Variants in OXR1 observed in about 807,000 individuals in gnomAD.
OXR1 encodes the protein oxidation resistance 1, also known as oxidation resistance protein 1.
A neutral mutation model predicts 104.6 loss-of-function variants in OXR1; 41 were observed. The observed-to-expected ratio is 0.39, with a 90% CI of 0.31 to 0.51. OXR1 has a LOEUF of 0.51. Ranked by LOEUF, OXR1 falls within the 20% of genes least tolerant of loss-of-function variation. OXR1 has a pLI of 0.77. For synonymous variants in OXR1, 348 were observed against 348.4 expected (o/e 1.00, Z 0.01); for missense variants, 955 against 1,031.9 (o/e 0.93, Z 1.02).
chr8:106,473,543 A>G (rs1476858359), intron 2 of OXR1, among the ~76,000 whole-genome samples: 1 of 152,036 alleles, frequency 6.6e-6, no homozygotes, highest in Non-Finnish European at 1.5e-5. Context: ...ATAAACTCCT[A>G]AAGTAACCAT....
intron 3 of OXR1, among the ~76,000 whole-genome samples, chr8:106,617,642 A>G (rs1218834647): frequency 1.3e-5 from 2 of 152,194 alleles, no homozygotes; most frequent in Non-Finnish European, 2.9e-5. Flanking sequence ...CATCAAAATT[A>G]TGTTCTGACA....
intron 2 of OXR1, among the ~76,000 whole-genome samples, chr8:106,409,729 A>G (rs931777097): frequency 6.6e-6 from 1 of 152,188 alleles, no homozygotes. Flanking sequence ...AGGCTTAGTT[A>G]CAGTTGGGCT....
chr8:106,672,647 G>A (rs1156529300), intron 3 of OXR1, among the ~76,000 whole-genome samples: 2 of 152,162 alleles, frequency 1.3e-5, no homozygotes, highest in Non-Finnish European at 2.9e-5. Flanking sequence ...TAGGCTTTGT[G>A]TCCCCACTCA....
At chr8:106,439,414 GTT>G (rs991183550) in intron 2 of OXR1, among the ~76,000 whole-genome samples, 2 of 151,870 alleles carry the variant, frequency 1.3e-5, no homozygotes, top group African/African-American at 4.8e-5. Flanking sequence ...GAAAAAAAAA[GTT>G]TGTTTTTTAA....
intron 1 of OXR1, among the ~76,000 whole-genome samples, chr8:106,322,545 G>A (rs997905517): frequency 1.3e-5 from 2 of 152,112 alleles, no homozygotes; most frequent in Admixed American, 1.3e-4. Context: ...AAACAATCAG[G>A]CAGGAGAAAG....
At chr8:106,547,492 C>CTTTT (rs60073341) in intron 3 of OXR1, among the ~76,000 whole-genome samples, 48 of 116,556 alleles carry the variant, frequency 4.1e-4, no homozygotes, top group East Asian at 7.3e-4. Flanking sequence ...TTCTTTCTTT[C>CTTTT]TTTTTTTTTT....
chr8:106,620,241 A>C (rs1460569601), intron 3 of OXR1, among the ~76,000 whole-genome samples: 2 of 151,810 alleles, frequency 1.3e-5, no homozygotes, highest in Non-Finnish European at 2.9e-5. Flanking sequence ...TAAGATGTAC[A>C]TTTTTTTCAA....
intron 3 of OXR1, among the ~76,000 whole-genome samples, chr8:106,589,270 G>T (rs1449703759): frequency 6.6e-6 from 1 of 151,848 alleles, no homozygotes; most frequent in Non-Finnish European, 1.5e-5. Flanking sequence ...CCATCGCAGG[G>T]CACACCTTAG....
At chr8:106,630,046 C>T (rs894009726) in intron 3 of OXR1, among the ~76,000 whole-genome samples, 1 of 152,148 alleles carries the variant, frequency 6.6e-6, no homozygotes, top group African/African-American at 2.4e-5. Flanking sequence ...AATTTACCCC[C>T]TTTGTCTCTT....
At chr8:106,454,500 A>T (rs1220178163) in intron 2 of OXR1, among the ~76,000 whole-genome samples, 2 of 151,360 alleles carry the variant, frequency 1.3e-5, no homozygotes, top group African/African-American at 4.8e-5. Context: ...TATATATATA[A>T]AATTTAAAAA....
chr8:106,649,490 A>G (rs953132584), intron 3 of OXR1, among the ~76,000 whole-genome samples: 6 of 151,876 alleles, frequency 4.0e-5, no homozygotes, highest in African/African-American at 7.2e-5. Context: ...CTAGTAAAAA[A>G]TAATAATTTC....
chr8:106,641,943 A>AT (rs35290618), intron 3 of OXR1, among the ~76,000 whole-genome samples: 81,209 of 150,590 alleles, frequency 0.54, 21,906 homozygotes, highest in East Asian at 0.69. Flanking sequence ...TGCCTATTTA[A>AT]TTTTTTTTTT....
intron 3 of OXR1, among the ~76,000 whole-genome samples, chr8:106,564,346 C>T (rs2130515076): frequency 6.6e-6 from 1 of 152,194 alleles, no homozygotes; most frequent in African/African-American, 2.4e-5. Flanking sequence ...TCAGAGAATA[C>T]TATAAACACC....
intron 1 of OXR1, among the ~76,000 whole-genome samples, chr8:106,324,368 G>C (rs974192711): frequency 2.0e-5 from 3 of 152,028 alleles, no homozygotes; most frequent in African/African-American, 7.3e-5. Flanking sequence ...TGAGGGAGGA[G>C]GTTGGGAGGA....
chr8:106,457,760 A>G (rs1193323657), intron 2 of OXR1, among the ~76,000 whole-genome samples: 1 of 152,218 alleles, frequency 6.6e-6, no homozygotes, highest in Non-Finnish European at 1.5e-5. Flanking sequence ...GAAATGTAGA[A>G]TAAGGTATTG....
At chr8:106,329,371 G>A (rs1360207152) in intron 1 of OXR1, among the ~76,000 whole-genome samples, 2 of 142,480 alleles carry the variant, frequency 1.4e-5, no homozygotes, top group African/African-American at 2.6e-5. Context: ...TTTTTGAGAC[G>A]GAGTCTGTCT....
At chr8:106,683,164 A>T in intron 4 of OXR1, 35 bp from the exon 5 acceptor site, 1 of 1,066,316 alleles carries the variant, frequency 9.4e-7, no homozygotes, top group South Asian at 1.3e-5. Context: ...TTTCTGTTTT[A>T]AACATTGAAA....
chr8:106,536,727 C>A (rs1814571449), intron 3 of OXR1, among the ~76,000 whole-genome samples: 1 of 152,012 alleles, frequency 6.6e-6, no homozygotes, highest in South Asian at 2.1e-4. Context: ...AAATAATCTG[C>A]AAACATGATA....
At chr8:106,739,631 A>G (rs2131569537) in intron 13 of OXR1, 48 bp downstream of exon 13, 5 of 1,584,822 alleles carry the variant, frequency 3.2e-6, no homozygotes, top group Middle Eastern at 1.7e-4. Context: ...GTGTGTACCC[A>G]TGAGAGTAAA....
Sources: gnomAD v4.1 joint callset for allele counts (sites outside exome capture counted in the v4.1 genomes callset) on GRCh38, gnomAD v4.1.1 for gene constraint, MANE v1.5 for transcripts, NCBI Gene and HGNC (gene_info 2026-07-23, HGNC 2026-07-21) for gene names.